Variants in BCO2 observed in about 807,000 individuals in gnomAD.
BCO2 encodes the protein beta-carotene oxygenase 2.
In BCO2, 56 loss-of-function variants were observed where a neutral mutation model predicts 65.8. The ratio of observed to expected loss-of-function variants is 0.85; its 90% confidence interval spans 0.69 to 1.06. The LOEUF (loss-of-function observed/expected upper bound fraction) is 1.06, where lower values mean the gene tolerates loss of function less well. Among genes scored for constraint, BCO2 ranks in the 50% least tolerant of loss-of-function variants. BCO2 has a pLI of 0.00. For synonymous variants in BCO2, 233 were observed against 242.3 expected, an observed-to-expected ratio of 0.96 and a Z score of 0.36; for missense variants, 675 against 698.5, an observed-to-expected ratio of 0.97 and a Z score of 0.38.
In BCO2 at chr11:112,193,926, T is replaced by G. The variant is rs1451569801; in HGVS notation, c.565T>G (p.Tyr189Asp). 5.0e-6 allele frequency: 8 copies of G among 1,613,198 alleles called. No homozygotes were observed. The African/African-American group carries it at 1.1e-4, about 22-fold the overall frequency. ...CAACTATGTGCGGTACAAGGGTGAT[T>G]ACTACCTCTGCACTGAGACCAACTT... ...NVNYVRYKGD[Y>D]YLCTETNFMN... Residue 189 changes from tyrosine (Y) to aspartate (D), a missense_variant, in exon 4 of 12, where the codon TAC becomes GAC. By Grantham distance (160) the Tyr-to-Asp change is radical (BLOSUM62 -3). Coordinates refer to ENST00000357685, the MANE Select transcript of BCO2 (RefSeq NM_031938.7).
Position 112,213,723 on chromosome 11 carries a change from G to A in BCO2, c.1195-1G>A, listed in dbSNP as rs1859576732. 3 of 1,612,242 alleles carry A rather than the reference G, an allele frequency of 1.9e-6. No homozygotes were observed. The highest frequency in any genetic ancestry group is 2.5e-6 in the Non-Finnish European group (3 of 1,178,912). The stretch of plus-strand genomic sequence containing the variant: ...TTCATCTCTTTCTTCTTCCCAAACA[G>A]GTCCATAATTCAGCAGCCAAATCTT... On this transcript the variant is annotated splice_acceptor_variant, in intron 8 of 11. Transcript: ENST00000357685. LOFTEE classifies it high-confidence loss of function.
In BCO2 at chr11:112,193,647, A is replaced by C; in HGVS notation, c.467A>C (p.Asn156Thr). The C allele has an allele frequency of 2.5e-6, 4 of 1,614,200 alleles. No individual in the cohort carries two copies. Among genetic ancestry groups the C allele is most frequent in the Non-Finnish European group, 3.4e-6 (4 of 1,180,030 alleles). ...CTGGCTCTCCCGGATCCATGCAAGA[A>C]TGTTTTTGAACGTTTCATGTCCAGG... ...GTLALPDPCK[N>T]VFERFMSRFE... The change falls in exon 3 of 12, where the codon AAT (asparagine) becomes ACT (threonine). Residue 156 changes from asparagine to threonine, a missense_variant. By Grantham distance (65) the Asn-to-Thr change is moderately conservative. Transcript: ENST00000357685.
intron 2 of BCO2, among the ~76,000 whole-genome samples, chr11:112,189,887 C>A (rs1433856709): frequency 6.6e-6 from 1 of 152,116 alleles, no homozygotes; most frequent in Admixed American, 6.5e-5. Flanking sequence ...AAGGAAACTT[C>A]CCTATTGTTT....
chr11:112,208,420 C>CTTTTTT (rs56317720), intron 8 of BCO2, among the ~76,000 whole-genome samples: 9 of 143,002 alleles, frequency 6.3e-5, no homozygotes, highest in East Asian at 2.0e-4. Flanking sequence ...TGTATATTGG[C>CTTTTTT]TTTTTTTTTT....
At chr11:112,199,956 T>A in intron 6 of BCO2, 129 bp downstream of exon 6, 2 of 1,114,474 alleles carry the variant, frequency 1.8e-6, no homozygotes, top group Non-Finnish European at 1.3e-6. Flanking sequence ...AGGTTGCATT[T>A]TGATGCCAGG....
At chr11:112,183,085 T>C in intron 2 of BCO2, 1 of 1,237,024 alleles carries the variant, frequency 8.1e-7, no homozygotes, top group Non-Finnish European at 1.2e-6. Flanking sequence ...AACTGTGATC[T>C]GTGTGGGTGT....
chr11:112,210,752 ACACG>A (rs1183185037), intron 8 of BCO2, among the ~76,000 whole-genome samples: 4 of 20,890 alleles, frequency 1.9e-4, no homozygotes, highest in Non-Finnish European at 3.1e-4. Context: ...AGAACTAAAT[ACACG>A]CACACACACA....
intron 6 of BCO2, 37 bp downstream of exon 6, chr11:112,199,864 G>A (rs1377252770): frequency 1.9e-5 from 30 of 1,607,506 alleles, no homozygotes; most frequent in Non-Finnish European, 2.6e-5. Context: ...AGTGGGCTCT[G>A]CCTTGATGTT....
chr11:112,185,677 A>T (rs34389688), intron 2 of BCO2, among the ~76,000 whole-genome samples: 29,724 of 152,064 alleles, frequency 0.2, 3,866 homozygotes, highest in Non-Finnish European at 0.28. Flanking sequence ...AAGCCTTTTT[A>T]TCCATGTTGC....
chr11:112,216,640 T>C (rs1323336309), intron 11 of BCO2, among the ~76,000 whole-genome samples: 1 of 152,236 alleles, frequency 6.6e-6, no homozygotes, highest in African/African-American at 2.4e-5. Context: ...AGTAAACAAG[T>C]TGAAGTAGAC....
chr11:112,214,579 C>T (rs1049992398), intron 9 of BCO2, 183 bp from the exon 10 acceptor site: 1 of 583,236 alleles, frequency 1.7e-6, no homozygotes, highest in African/African-American at 1.9e-5. Context: ...ATTAATAAAA[C>T]TTGATAATCA....
At chr11:112,180,513 A>G (rs1867007473) in intron 2 of BCO2, among the ~76,000 whole-genome samples, 1 of 152,188 alleles carries the variant, frequency 6.6e-6, no homozygotes, top group South Asian at 2.1e-4. Flanking sequence ...CTGCACCTGA[A>G]TAGCATTCAA....
chr11:112,184,509 TC>T (rs1374778425), intron 2 of BCO2, among the ~76,000 whole-genome samples: 14 of 152,058 alleles, frequency 9.2e-5, no homozygotes, highest in African/African-American at 3.4e-4. Flanking sequence ...TGTCTTGGCC[TC>T]CCAAAGTGCT....
At position 112,193,501 on chromosome 11, in the gene BCO2, G is replaced by A. The variant is rs749172130; in HGVS notation, c.321G>A (p.Ala107=). The stretch of plus-strand genomic sequence containing the variant: ...ACAATCATTGGTTTGATGGGATGGC[G>A]CTGCTTCACCAGTTCAGAATGGCAA... The part of the protein sequence containing the change: ...DKYNHWFDGM[A]LLHQFRMAKG... Residue 107 remains alanine, a synonymous_variant, in exon 3 of 12, where the codon GCG becomes GCA. Coordinates refer to ENST00000357685, the MANE Select transcript of BCO2 (RefSeq NM_031938.7). 11 of 1,613,884 alleles carry A rather than the reference G, an allele frequency of 6.8e-6. No homozygotes were observed. The highest frequency in any genetic ancestry group is 1.6e-4 in the Middle Eastern group (1 of 6,084).
chr11:112,180,022 C>T (rs183643413), intron 2 of BCO2, among the ~76,000 whole-genome samples: 15 of 152,352 alleles, frequency 9.8e-5, no homozygotes, highest in African/African-American at 3.6e-4. Flanking sequence ...CATCCCTCAG[C>T]ATTCACAGGG....
intron 4 of BCO2, 101 bp downstream of exon 4, chr11:112,194,095 T>C (rs1322527579): frequency 1.6e-5 from 11 of 700,764 alleles, no homozygotes; most frequent in Non-Finnish European, 2.5e-5. Context: ...AATTGAAGCC[T>C]TAACTACACA....
In BCO2 at chr11:112,176,521, G is replaced by GC. The variant is rs1555193548; in HGVS notation, c.88+832_88+833insC. 3 of 135,876 alleles carry GC rather than the reference G, an allele frequency of 2.2e-5. 1 individual carries two copies. The highest frequency in any genetic ancestry group is 1.5e-4 in the Admixed American group (2 of 13,742). 8.4% of individuals were successfully genotyped at this position (135,876 alleles called of 1,614,324 possible). ...TAGATGAAGAAAATTGATTGGCGGG[G>GC]GGGGGGGAATTAAACATTCTATTTT... is the stretch of plus-strand genomic sequence containing the variant. On this transcript the variant is annotated intron_variant, in intron 1 of 11. Coordinates refer to ENST00000357685, the MANE Select transcript of BCO2 (RefSeq NM_031938.7).
chr11:112,209,575 A>T (rs1859449061), intron 8 of BCO2, among the ~76,000 whole-genome samples: 1 of 152,208 alleles, frequency 6.6e-6, no homozygotes, highest in Admixed American at 6.5e-5. Flanking sequence ...GATACATTTT[A>T]TTAGATTAGG....
chr11:112,212,883 G>A (rs555260352), intron 8 of BCO2, among the ~76,000 whole-genome samples: 1 of 152,102 alleles, frequency 6.6e-6, no homozygotes, highest in Non-Finnish European at 1.5e-5. Flanking sequence ...ACTGGCACAT[G>A]CAAGAACACT....
Sources: gnomAD v4.1 joint callset for allele counts (sites outside exome capture counted in the v4.1 genomes callset) on GRCh38, gnomAD v4.1.1 for gene constraint, MANE v1.5 for transcripts, NCBI Gene and HGNC (gene_info 2026-07-23, HGNC 2026-07-21) for gene names.